The following SATL1 variants were observed in gnomAD, a reference collection of about 807,000 sequenced individuals.
SATL1 encodes the protein spermidine/spermine N(1)-acetyltransferase-like protein 1.
In SATL1, 47 loss-of-function variants were observed where a neutral mutation model predicts 51.8. The ratio of observed to expected loss-of-function variants is 0.91; its 90% CI spans 0.72 to 1.16. The LOEUF (loss-of-function observed/expected upper bound fraction) is 1.16, where lower values mean the gene tolerates loss of function less well. Among genes scored for constraint, SATL1 ranks in the 50% most tolerant of loss-of-function variants. SATL1 has a pLI of 0.00. For missense variants in SATL1, 520 were observed against 526.4 expected, an observed-to-expected ratio of 0.99 and a Z score of 0.12; for synonymous variants, 176 against 182.4, an observed-to-expected ratio of 0.97 and a Z score of 0.28.
chrX:85,135,512 T>C (rs1289169431), intron 2 of SATL1, among the ~76,000 whole-genome samples: 13 of 109,401 alleles, frequency 1.2e-4, no homozygotes, highest in Non-Finnish European at 2.1e-4. Context: ...ATAAATTATA[T>C]TTTGTTACTT....
At chrX:85,179,776 G>A (rs1602893494) in intron 2 of SATL1, among the ~76,000 whole-genome samples, 1 of 110,085 alleles carries the variant, frequency 9.1e-6, no homozygotes, top group Middle Eastern at 4.7e-3. Flanking sequence ...TACAAACAAG[G>A]AAATCAAGGG....
chrX:85,220,714 C>CACAA (rs2147760863), intron 2 of SATL1, among the ~76,000 whole-genome samples: 1 of 94,701 alleles, frequency 1.1e-5, no homozygotes, highest in African/African-American at 3.8e-5. Flanking sequence ...ATGCATCACA[C>CACAA]AGTGTCCTAC....
At chrX:85,102,564 G>A (rs1453251938) in intron 4 of SATL1, among the ~76,000 whole-genome samples, 1 of 111,555 alleles carries the variant, frequency 9.0e-6, no homozygotes, top group African/African-American at 3.3e-5. Context: ...GATAAAAACA[G>A]GACTGAGGAC....
At chrX:85,147,228 AGTCT>A (rs1241525492) in intron 2 of SATL1, among the ~76,000 whole-genome samples, 3 of 92,956 alleles carry the variant, frequency 3.2e-5, no homozygotes, top group African/African-American at 1.2e-4. Flanking sequence ...CTAGCACAGC[AGTCT>A]GAGATCAAAC....
intron 1 of SATL1, among the ~76,000 whole-genome samples, chrX:85,239,590 ACTTAATTTTAG>A (rs1194886885): frequency 1.3e-3 from 142 of 111,993 alleles, no homozygotes; most frequent in Non-Finnish European, 2.1e-3. Flanking sequence ...GAATCACACT[ACTTAATTTTAG>A]AAGTTACTAT....
chrX:85,202,129 T>C (rs1208348245), intron 2 of SATL1, among the ~76,000 whole-genome samples: 1 of 111,916 alleles, frequency 8.9e-6, no homozygotes, highest in Non-Finnish European at 1.9e-5. Context: ...ATGTTATTTT[T>C]TGACTTTTTA....
At chrX:85,218,934 T>A (rs888790899) in intron 2 of SATL1, 21 of 112,362 alleles carry the variant, frequency 1.9e-4, no homozygotes, top group African/African-American at 6.4e-4. Flanking sequence ...CACTACAGAT[T>A]TCTGAGAGTG....
chrX:85,104,434 G>A (rs776353430), intron 3 of SATL1, among the ~76,000 whole-genome samples: 2 of 108,039 alleles, frequency 1.9e-5, no homozygotes, highest in Admixed American at 1.0e-4. Context: ...ATATTCACTC[G>A]TTTTCTTTTT....
At chrX:85,094,060 A>G in intron 6 of SATL1, 68 bp downstream of exon 6, 2 of 578,067 alleles carry the variant, frequency 3.5e-6, no homozygotes, top group South Asian at 2.8e-5. Flanking sequence ...GTAAAGCCCT[A>G]TCTCCTTAAA....
At chrX:85,109,756 C>A (rs1177222791) in intron 2 of SATL1, among the ~76,000 whole-genome samples, 6 of 111,768 alleles carry the variant, frequency 5.4e-5, no homozygotes, top group Admixed American at 3.8e-4. Flanking sequence ...CGCCTGTAAT[C>A]CCAGCACTTT....
At chrX:85,146,605 C>T (rs1376894631) in intron 2 of SATL1, among the ~76,000 whole-genome samples, 2 of 112,204 alleles carry the variant, frequency 1.8e-5, no homozygotes, top group African/African-American at 6.5e-5. Flanking sequence ...GAATCTATCA[C>T]CTGTGAATAA....
chrX:85,217,361 T>C (rs748487942), intron 2 of SATL1, among the ~76,000 whole-genome samples: 32 of 110,954 alleles, frequency 2.9e-4, no homozygotes, highest in Non-Finnish European at 5.3e-4. Flanking sequence ...AGCTGTTTTT[T>C]GTAGCTACCT....
At chrX:85,172,435 A>G (rs55987279) in intron 2 of SATL1, among the ~76,000 whole-genome samples, 12,054 of 110,724 alleles carry the variant, frequency 0.11, 570 homozygotes, top group South Asian at 0.18. Flanking sequence ...TAAATGTGAA[A>G]TTGTTACTGT....
At chrX:85,110,085 A>G (rs1222993527) in intron 2 of SATL1, among the ~76,000 whole-genome samples, 1 of 112,068 alleles carries the variant, frequency 8.9e-6, no homozygotes, top group East Asian at 2.8e-4. Flanking sequence ...AGTGGAATGT[A>G]CGTTTCATTT....
chrX:85,225,676 G>A (rs1928264774), intron 1 of SATL1, among the ~76,000 whole-genome samples: 1 of 111,944 alleles, frequency 8.9e-6, no homozygotes, highest in Admixed American at 9.5e-5. Context: ...AGAACATGGT[G>A]TACTGAGGGA....
intron 2 of SATL1, among the ~76,000 whole-genome samples, chrX:85,129,711 C>G (rs1436876709): frequency 9.0e-6 from 1 of 111,480 alleles, no homozygotes; most frequent in Admixed American, 9.6e-5. Flanking sequence ...GAGAGGGCAT[C>G]CCTCTCTTGT....
At chrX:85,226,133 C>T (rs1371221486) in intron 1 of SATL1, among the ~76,000 whole-genome samples, 3 of 111,137 alleles carry the variant, frequency 2.7e-5, no homozygotes, top group Non-Finnish European at 5.7e-5. Flanking sequence ...ACCCTATTTC[C>T]CACCCTTCCC....
chrX:85,143,126 G>A (rs1926148558), intron 2 of SATL1: 1 of 111,672 alleles, frequency 9.0e-6, no homozygotes, highest in Non-Finnish European at 1.9e-5. Flanking sequence ...ATGAACCTTA[G>A]TACAAAGATG....
intron 2 of SATL1, among the ~76,000 whole-genome samples, chrX:85,185,680 C>A (rs752876392): frequency 4.5e-5 from 5 of 111,299 alleles, no homozygotes; most frequent in African/African-American, 1.3e-4. Context: ...CTTCAGTCAG[C>A]TTTTAGTAAA....
Sources: allele counts gnomAD v4.1 joint callset (sites outside exome capture counted in the v4.1 genomes callset), GRCh38; gene constraint gnomAD v4.1.1; transcripts MANE v1.5; gene names NCBI Gene and HGNC (gene_info 2026-07-23, HGNC 2026-07-21).